The following GATAD2B variants were observed in gnomAD, a reference collection of about 807,000 sequenced individuals.
GATAD2B encodes transcriptional repressor p66-beta.
GATAD2B carries 8 observed loss-of-function variants against 64.3 expected under a neutral mutation model. That is an observed-to-expected ratio of 0.12 (90% CI 0.07 to 0.22). The LOEUF (loss-of-function observed/expected upper bound fraction) is 0.22, where lower values mean the gene tolerates loss of function less well. GATAD2B is among the 10% of genes least tolerant of loss of function. The pLI is 1.00. For missense variants in GATAD2B, 453 were observed against 752.0 expected, an observed-to-expected ratio of 0.60 and a Z score of 4.65; for synonymous variants, 281 against 271.3, an observed-to-expected ratio of 1.04 and a Z score of -0.35.
rs777975981 is a variant in GATAD2B, at chr1:153,818,937, A to C, written c.466-15T>G. 5.6e-6 allele frequency: 9 copies of C among 1,606,794 alleles called. No homozygotes were observed. The highest frequency in any genetic ancestry group is 2.2e-5 in the East Asian group (1 of 44,874). ...ATGCCTTTCCCCTAAGGAAACAAGA[A>C]GACTTTCAGCTATGGCAGCAAGGTA... On this transcript the variant is annotated splice_polypyrimidine_tract_variant and intron_variant, in intron 3 of 10. Transcript: ENST00000368655.
At chr1:153,867,515 A>C (rs1676517752) in intron 1 of GATAD2B, among the ~76,000 whole-genome samples, 1 of 151,938 alleles carries the variant, frequency 6.6e-6, no homozygotes. Context: ...TCTCTAAATA[A>C]ATAAATAAAT....
chr1:153,838,741 A>G (rs1675365473), intron 1 of GATAD2B, among the ~76,000 whole-genome samples: 1 of 152,172 alleles, frequency 6.6e-6, no homozygotes, highest in African/African-American at 2.4e-5. Flanking sequence ...AGAGAAAAGG[A>G]TTATTTCCTG....
intron 10 of GATAD2B, among the ~76,000 whole-genome samples, chr1:153,810,583 T>A (rs1674261052): frequency 6.6e-6 from 1 of 151,798 alleles, no homozygotes; most frequent in South Asian, 2.1e-4. Flanking sequence ...GCCTCCAGAG[T>A]AGCTGGAATT....
At chr1:153,820,709 A>G (rs986341911) in intron 2 of GATAD2B, among the ~76,000 whole-genome samples, 3 of 150,796 alleles carry the variant, frequency 2.0e-5, no homozygotes, top group Admixed American at 1.3e-4. Context: ...AGCTCACTGC[A>G]GCCTTGACCT....
chr1:153,881,408 C>A (rs929664486), intron 1 of GATAD2B, among the ~76,000 whole-genome samples: 3 of 152,174 alleles, frequency 2.0e-5, no homozygotes, highest in Non-Finnish European at 2.9e-5. Context: ...AAGCCAGAGA[C>A]CCTTACCATT....
chr1:153,881,320 T>A (rs1677003889), intron 1 of GATAD2B, among the ~76,000 whole-genome samples: 1 of 151,920 alleles, frequency 6.6e-6, no homozygotes, highest in African/African-American at 2.4e-5. Context: ...ACAAAAGAAA[T>A]TTTAAAAAGG....
chr1:153,811,523 T>C, intron 10 of GATAD2B: 1 of 634,064 alleles, frequency 1.6e-6, no homozygotes, highest in Non-Finnish European at 2.8e-6. Context: ...AGGATCTGGG[T>C]CATTTTCACC....
intron 3 of GATAD2B, 57 bp from the exon 4 acceptor site, chr1:153,818,979 G>C: frequency 6.4e-7 from 1 of 1,559,996 alleles, no homozygotes; most frequent in Non-Finnish European, 8.7e-7. Flanking sequence ...ATTCCTTCCT[G>C]CAAGAGACAA....
At chr1:153,853,489 G>A in intron 1 of GATAD2B, 1 of 392,224 alleles carries the variant, frequency 2.5e-6, no homozygotes, top group Non-Finnish European at 4.7e-6. Context: ...TTTTGCTACT[G>A]AGTTGTATGA....
chr1:153,846,847 C>T (rs779339658), intron 1 of GATAD2B, among the ~76,000 whole-genome samples: 1 of 152,140 alleles, frequency 6.6e-6, no homozygotes, highest in Non-Finnish European at 1.5e-5. Context: ...GCGTGAGCCA[C>T]CGCACCTGGC....
intron 1 of GATAD2B, among the ~76,000 whole-genome samples, chr1:153,855,647 T>A (rs1676058849): frequency 6.6e-6 from 1 of 152,208 alleles, no homozygotes; most frequent in Non-Finnish European, 1.5e-5. Context: ...TTAGGCTAAA[T>A]TCAAGGTATG....
At chr1:153,905,865 G>A (rs1318473002) in intron 1 of GATAD2B, among the ~76,000 whole-genome samples, 7 of 151,500 alleles carry the variant, frequency 4.6e-5, no homozygotes, top group East Asian at 1.9e-4. Context: ...TCAAGAGTTC[G>A]AGACCAGCCT....
At chr1:153,858,771 G>A (rs899022678) in intron 1 of GATAD2B, among the ~76,000 whole-genome samples, 2 of 152,014 alleles carry the variant, frequency 1.3e-5, no homozygotes, top group Non-Finnish European at 2.9e-5. Context: ...ATATGTATGT[G>A]GGTATATATG....
chr1:153,867,242 T>TG (rs1291824289), intron 1 of GATAD2B, among the ~76,000 whole-genome samples: 1 of 152,186 alleles, frequency 6.6e-6, no homozygotes, highest in Non-Finnish European at 1.5e-5. Context: ...GAAACCACAC[T>TG]GATCTCCTTA....
intron 1 of GATAD2B, among the ~76,000 whole-genome samples, chr1:153,886,014 T>C (rs919154599): frequency 2.6e-5 from 4 of 152,286 alleles, no homozygotes; most frequent in South Asian, 2.1e-4. Flanking sequence ...AGAGTTCAAA[T>C]TGATTGCAAC....
At chr1:153,822,255 T>C (rs1674708256) in intron 2 of GATAD2B, among the ~76,000 whole-genome samples, 2 of 152,192 alleles carry the variant, frequency 1.3e-5, no homozygotes, top group South Asian at 4.1e-4. Context: ...TTAGAAGCTC[T>C]TTCTATTCTG....
At chr1:153,912,481 G>A (rs1678135180) in intron 1 of GATAD2B, among the ~76,000 whole-genome samples, 1 of 152,198 alleles carries the variant, frequency 6.6e-6, no homozygotes, top group South Asian at 2.1e-4. Context: ...CCAAACTGTA[G>A]TGCACAGAAA....
At chr1:153,900,707 T>C (rs1405746712) in intron 1 of GATAD2B, among the ~76,000 whole-genome samples, 2 of 152,112 alleles carry the variant, frequency 1.3e-5, no homozygotes, top group African/African-American at 2.4e-5. Flanking sequence ...TTTAGCCAGA[T>C]AGTAAATATT....
chr1:153,890,219 G>A (rs1434913303), intron 1 of GATAD2B, among the ~76,000 whole-genome samples: 1 of 151,114 alleles, frequency 6.6e-6, no homozygotes, highest in East Asian at 1.9e-4. Context: ...GCCTGGTGTG[G>A]TGGCTCACAC....
Sources: allele counts gnomAD v4.1 joint callset (sites outside exome capture counted in the v4.1 genomes callset), GRCh38; gene constraint gnomAD v4.1.1; transcripts MANE v1.5; gene names NCBI Gene and HGNC (gene_info 2026-07-23, HGNC 2026-07-21).